RNF150: variants seen among roughly 807,000 people sequenced by gnomAD.
The protein encoded by RNF150 is ring finger protein 150.
Under a neutral mutation model 39.3 loss-of-function variants are expected in RNF150, and 24 were observed. The ratio of observed to expected loss-of-function variants is 0.61; its 90% CI spans 0.44 to 0.86. RNF150 has a LOEUF of 0.86. RNF150 is among the 40% of genes least tolerant of loss of function. The probability of loss-of-function intolerance (pLI) is 0.00; values close to 1 mark genes in which losing one functional copy is unlikely to be tolerated. For synonymous variants in RNF150, 255 were observed against 227.3 expected, an observed-to-expected ratio of 1.12 and a Z score of -1.10; for missense variants, 502 against 587.8, an observed-to-expected ratio of 0.85 and a Z score of 1.51.
chr4:141,171,076 G>T (rs1357952665), intron 1 of RNF150, among the ~76,000 whole-genome samples: 1 of 152,146 alleles, frequency 6.6e-6, no homozygotes, highest in African/African-American at 2.4e-5. Flanking sequence ...TTGCAATGCA[G>T]TCATGTTAAG....
At chr4:141,051,744 A>C (rs1025066411) in intron 1 of RNF150, among the ~76,000 whole-genome samples, 5 of 151,900 alleles carry the variant, frequency 3.3e-5, no homozygotes, top group Admixed American at 1.3e-4. Flanking sequence ...AGGAAGTTCC[A>C]AACTTTCCCA....
At chr4:141,111,980 T>C (rs942155265) in intron 1 of RNF150, among the ~76,000 whole-genome samples, 3 of 152,182 alleles carry the variant, frequency 2.0e-5, no homozygotes, top group Admixed American at 2.0e-4. Flanking sequence ...GATTTATTTA[T>C]AAAACTAAAA....
At chr4:141,206,141 C>T (rs144225495) in intron 1 of RNF150, among the ~76,000 whole-genome samples, 11 of 151,944 alleles carry the variant, frequency 7.2e-5, no homozygotes, top group South Asian at 2.1e-4. Flanking sequence ...TGTTCCTGGC[C>T]GGGCGTGGTG....
At chr4:141,149,388 T>A (rs1727259186) in intron 1 of RNF150, among the ~76,000 whole-genome samples, 1 of 150,406 alleles carries the variant, frequency 6.6e-6, no homozygotes, top group African/African-American at 2.4e-5. Context: ...CTTGCCCCCC[T>A]CCCACTCTTT....
intron 1 of RNF150, among the ~76,000 whole-genome samples, chr4:140,998,927 A>T (rs1734479436): frequency 6.6e-6 from 1 of 152,206 alleles, no homozygotes; most frequent in Non-Finnish European, 1.5e-5. Context: ...TGGAATAAAA[A>T]CAGCAGCCTG....
intron 5 of RNF150, among the ~76,000 whole-genome samples, chr4:140,920,081 A>C: frequency 6.6e-6 from 1 of 151,306 alleles, no homozygotes; most frequent in African/African-American, 2.4e-5. Flanking sequence ...AACCATAAAA[A>C]CCCTAGAAGA....
chr4:141,131,210 G>GT (rs1274122838), intron 1 of RNF150, among the ~76,000 whole-genome samples: 4 of 152,232 alleles, frequency 2.6e-5, no homozygotes, highest in South Asian at 2.1e-4. Flanking sequence ...TTTCAGCAGC[G>GT]TAACTATTTA....
intron 5 of RNF150, among the ~76,000 whole-genome samples, chr4:140,917,663 T>C (rs1730896373): frequency 6.6e-6 from 1 of 152,154 alleles, no homozygotes; most frequent in African/African-American, 2.4e-5. Context: ...TACCCAAGAA[T>C]TGAACTCAGC....
chr4:140,957,701 C>G lies in RNF150; in HGVS notation c.736-8329G>C, dbSNP rs1732824840. Among the ~76,000 whole-genome samples the G allele has an allele frequency of 1.1e-4, 17 of 151,838 alleles. No individual in the cohort carries two copies. The South Asian group carries it at 3.6e-3, about 32-fold the overall frequency. ...TTAAGAAAATGTGGCACATATACAC[C>G]ATGGAATACTATGCAGCCATAAAAA... On this transcript the variant is annotated intron_variant, in intron 2 of 6. Transcript: ENST00000515673.
chr4:141,058,621 A>G (rs1228890959), intron 1 of RNF150, among the ~76,000 whole-genome samples: 1 of 152,178 alleles, frequency 6.6e-6, no homozygotes, highest in African/African-American at 2.4e-5. Flanking sequence ...ATATCACATT[A>G]GACAATTATT....
At chr4:140,949,276 CA>C (rs1732448142) in intron 3 of RNF150, 24 bp downstream of exon 3, 9 of 1,584,360 alleles carry the variant, frequency 5.7e-6, no homozygotes, top group Non-Finnish European at 7.7e-6. Context: ...AGCTCCTCAC[CA>C]AAAAGAAAAG....
At position 141,133,421 on chromosome 4, in the gene RNF150, G is replaced by A. The variant is rs1010239005; in HGVS notation, c.-613C>T. ...GGCGGGGCGGGCTTGGGGACAGTGGGAGCGAGCAGGCAGAGCGGAGTAAGC... is the reference window on the plus strand; with the variant it reads ...GGCGGGGCGGGCTTGGGGACAGTGGAAGCGAGCAGGCAGAGCGGAGTAAGC... On this transcript the variant is annotated 5_prime_UTR_variant, in exon 1 of 7. Transcript: ENST00000515673. The A allele has an allele frequency of 1.2e-5, 2 of 170,364 alleles. No individual in the cohort carries two copies. The highest frequency in any genetic ancestry group is 4.8e-5 in the African/African-American group (2 of 41,564). 10.6% of individuals were successfully genotyped at this position (170,364 alleles called of 1,614,324 possible).
chr4:141,144,136 A>T (rs939206753), intron 1 of RNF150, among the ~76,000 whole-genome samples: 1 of 152,180 alleles, frequency 6.6e-6, no homozygotes, highest in African/African-American at 2.4e-5. Context: ...AAAACCCACA[A>T]AACTTTTAGT....
chr4:140,967,252 T>C (rs78189491), intron 2 of RNF150, among the ~76,000 whole-genome samples: 7,282 of 152,242 alleles, frequency 0.048, 257 homozygotes, highest in African/African-American at 0.092. Flanking sequence ...TTAATTGCTA[T>C]TTAAAATAGC....
At chr4:141,178,941 G>A (rs1375467736) in intron 1 of RNF150, among the ~76,000 whole-genome samples, 2 of 145,904 alleles carry the variant, frequency 1.4e-5, no homozygotes, top group Admixed American at 6.7e-5. Flanking sequence ...TCAGGTCTAA[G>A]CTCAATGTGA....
chr4:140,930,555 C>A (rs1731587732), intron 4 of RNF150, among the ~76,000 whole-genome samples: 2 of 152,174 alleles, frequency 1.3e-5, no homozygotes, highest in Admixed American at 1.3e-4. Context: ...TACCCAAGGA[C>A]CTAGCACTCC....
At chr4:140,898,530 T>C (rs1730046214) in intron 6 of RNF150, among the ~76,000 whole-genome samples, 2 of 152,242 alleles carry the variant, frequency 1.3e-5, no homozygotes, top group South Asian at 4.1e-4. Flanking sequence ...GTCTGACACA[T>C]ATGATATGCA....
intron 1 of RNF150, among the ~76,000 whole-genome samples, chr4:140,999,933 GTCTCAAAA>G (rs1285955393): frequency 8.0e-6 from 1 of 125,302 alleles, no homozygotes; most frequent in Non-Finnish European, 1.7e-5. Context: ...GTGAGACTTG[GTCTCAAAA>G]AAAGAAGAAG....
intron 6 of RNF150, among the ~76,000 whole-genome samples, chr4:140,890,873 C>T (rs1467399927): frequency 6.6e-6 from 1 of 152,218 alleles, no homozygotes; most frequent in African/African-American, 2.4e-5. Flanking sequence ...AAATCACTTG[C>T]TTCTCCTAGG....
Sources: gnomAD v4.1 joint callset for allele counts (sites outside exome capture counted in the v4.1 genomes callset) on GRCh38, gnomAD v4.1.1 for gene constraint, MANE v1.5 for transcripts, NCBI Gene and HGNC (gene_info 2026-07-23, HGNC 2026-07-21) for gene names.